CCDC73: variants seen among roughly 807,000 people sequenced by gnomAD.
CCDC73 encodes the protein coiled-coil domain containing 73.
In CCDC73, 95 loss-of-function variants were observed where a neutral mutation model predicts 116.5. That is an observed-to-expected ratio of 0.82 (90% confidence interval 0.69 to 0.97). The LOEUF (loss-of-function observed/expected upper bound fraction) is 0.97. CCDC73 is among the 50% of genes least tolerant of loss of function. CCDC73 has a pLI of 0.00. For missense variants in CCDC73, 1,066 were observed against 1,206.8 expected, an observed-to-expected ratio of 0.88 and a Z score of 1.73; for synonymous variants, 398 against 401.3, an observed-to-expected ratio of 0.99 and a Z score of 0.10.
chr11:32,700,673 T>C lies in CCDC73; in HGVS notation c.315+118A>G, dbSNP rs1469721447. On this transcript the variant is annotated intron_variant, in intron 5 of 17. Transcript: ENST00000335185. Reference sequence around the variant, plus strand: ...ACCATCTCTATTAGTTTGTTACTAATGCTCTTTTCTCTTATGGTAAACAAT... The same window carrying C: ...ACCATCTCTATTAGTTTGTTACTAACGCTCTTTTCTCTTATGGTAAACAAT... 25 of 512,110 alleles carry C rather than the reference T, an allele frequency of 4.9e-5. No individual in the cohort carries two copies. In the East Asian group the frequency reaches 7.2e-4, roughly 15 times the overall value. The allele number at this position is 512,110 out of a possible 1,614,324, so 31.7% of individuals were successfully genotyped here. A position where few individuals can be genotyped will look rare whatever the true frequency, so the allele number is the denominator to read the frequency against.
At chr11:32,635,506 T>A (rs1421183740) in intron 14 of CCDC73, among the ~76,000 whole-genome samples, 190 bp downstream of exon 14, 1 of 152,158 alleles carries the variant, frequency 6.6e-6, no homozygotes, top group African/African-American at 2.4e-5. Flanking sequence ...TGGAAATTCA[T>A]ATAAAAAAAT....
intron 2 of CCDC73, among the ~76,000 whole-genome samples, chr11:32,744,646 G>A (rs891851008): frequency 6.6e-6 from 1 of 152,164 alleles, no homozygotes; most frequent in African/African-American, 2.4e-5. Context: ...AAGGGTGTAT[G>A]TGTCCAGGAA....
the CCDC73 span, among the ~76,000 whole-genome samples, chr11:32,802,524 A>G: frequency 6.6e-6 from 1 of 152,258 alleles, no homozygotes; most frequent in African/African-American, 2.4e-5. Context: ...ATACCAAAAT[A>G]TAAAAGCAAG....
intron 14 of CCDC73, among the ~76,000 whole-genome samples, chr11:32,620,895 A>G (rs1352901054): frequency 1.3e-5 from 2 of 152,170 alleles, no homozygotes; most frequent in Non-Finnish European, 2.9e-5. Flanking sequence ...ACAAGCAGAG[A>G]GCCAAAACAT....
At chr11:32,705,595 C>T (rs1043541978) in intron 3 of CCDC73, among the ~76,000 whole-genome samples, 2 of 152,164 alleles carry the variant, frequency 1.3e-5, no homozygotes, top group African/African-American at 2.4e-5. Flanking sequence ...GGGCCAGTAT[C>T]GCAAGCCGAG....
chr11:32,725,369 C>T (rs955428610), intron 2 of CCDC73, among the ~76,000 whole-genome samples: 14 of 151,922 alleles, frequency 9.2e-5, no homozygotes, highest in African/African-American at 3.1e-4. Flanking sequence ...ATGTACATGT[C>T]GGGAAAAACA....
chr11:32,711,644 T>A (rs1849901553), intron 3 of CCDC73, among the ~76,000 whole-genome samples: 1 of 152,114 alleles, frequency 6.6e-6, no homozygotes, highest in African/African-American at 2.4e-5. Context: ...GATAAAAGAA[T>A]ACACACTGGG....
At chr11:32,775,813 C>G (rs958998726) in intron 1 of CCDC73, among the ~76,000 whole-genome samples, 7 of 152,052 alleles carry the variant, frequency 4.6e-5, no homozygotes, top group African/African-American at 1.7e-4. Flanking sequence ...AATTTACTTC[C>G]AGCTCCAAAG....
chr11:32,692,811 G>A (rs1256049031), intron 6 of CCDC73, among the ~76,000 whole-genome samples: 4 of 152,264 alleles, frequency 2.6e-5, no homozygotes, highest in East Asian at 3.9e-4. Context: ...GAAAGAAAGC[G>A]TCTTACCACA....
intron 2 of CCDC73, among the ~76,000 whole-genome samples, chr11:32,728,744 G>A (rs533174961): frequency 8.6e-5 from 13 of 152,010 alleles, no homozygotes; most frequent in South Asian, 8.3e-4. Context: ...TCGCTCTGTC[G>A]CCCAGGCTGG....
At chr11:32,703,415 A>G (rs1849829634) in intron 3 of CCDC73, among the ~76,000 whole-genome samples, 2 of 152,150 alleles carry the variant, frequency 1.3e-5, no homozygotes, top group African/African-American at 4.8e-5. Flanking sequence ...ATTGTCATAG[A>G]ATCATCATAT....
chr11:32,803,378 A>C, the CCDC73 span, among the ~76,000 whole-genome samples: 1 of 152,334 alleles, frequency 6.6e-6, no homozygotes, highest in South Asian at 2.1e-4. Context: ...GGCGTGCGCC[A>C]CCACACCTGG....
chr11:32,735,581 T>C (rs1014939383), intron 2 of CCDC73, among the ~76,000 whole-genome samples: 1 of 152,192 alleles, frequency 6.6e-6, no homozygotes, highest in African/African-American at 2.4e-5. Flanking sequence ...ATGGCCATAC[T>C]GCCCAAGGTA....
chr11:32,765,268 A>C (rs1590636914), intron 1 of CCDC73, among the ~76,000 whole-genome samples: 2 of 152,366 alleles, frequency 1.3e-5, no homozygotes, highest in South Asian at 2.1e-4. Context: ...AGTGGACCTA[A>C]GAGACATCTA....
intron 1 of CCDC73, among the ~76,000 whole-genome samples, chr11:32,793,128 G>T (rs1429156061): frequency 6.6e-6 from 1 of 152,188 alleles, no homozygotes; most frequent in African/African-American, 2.4e-5. Context: ...ATATGAAGCC[G>T]TATGGAAATT....
At chr11:32,807,356 A>C in the CCDC73 span, among the ~76,000 whole-genome samples, 1 of 152,232 alleles carries the variant, frequency 6.6e-6, no homozygotes, top group Non-Finnish European at 1.5e-5. Flanking sequence ...AAGGAAATAA[A>C]GGAAAATCTC....
chr11:32,744,033 T>C (rs12791854), intron 2 of CCDC73, among the ~76,000 whole-genome samples: 23,779 of 152,192 alleles, frequency 0.16, 1,986 homozygotes, highest in South Asian at 0.27. Flanking sequence ...AGTATGATAT[T>C]GGCTGTGGGT....
the CCDC73 span, among the ~76,000 whole-genome samples, chr11:32,818,520 G>C: frequency 1.3e-5 from 2 of 152,152 alleles, no homozygotes; most frequent in African/African-American, 4.8e-5. Context: ...CGTAAACATA[G>C]AGTTACCATA....
chr11:32,642,796 T>G (rs1330078791), intron 12 of CCDC73, among the ~76,000 whole-genome samples: 1 of 151,864 alleles, frequency 6.6e-6, no homozygotes, highest in Non-Finnish European at 1.5e-5. Context: ...GCCTAATACA[T>G]TTGGAATCTT....
Sources: allele counts gnomAD v4.1 joint callset (sites outside exome capture counted in the v4.1 genomes callset), GRCh38; gene constraint gnomAD v4.1.1; transcripts MANE v1.5; gene names NCBI Gene and HGNC (gene_info 2026-07-23, HGNC 2026-07-21).